Variants in SRGAP1 observed in about 807,000 individuals in gnomAD.
SRGAP1 encodes SLIT-ROBO Rho GTPase activating protein 1, also known as SLIT-ROBO Rho GTPase-activating protein 1.
In SRGAP1, 43 loss-of-function variants were observed where a neutral mutation model predicts 121.9. The observed-to-expected ratio is 0.35, with a 90% CI of 0.28 to 0.46. SRGAP1 has a LOEUF of 0.46. Ranked by LOEUF, SRGAP1 falls within the 20% of genes least tolerant of loss-of-function variation. The probability of loss-of-function intolerance (pLI) is 1.00; values close to 1 mark genes in which losing one functional copy is unlikely to be tolerated. For missense variants in SRGAP1, 1,102 were observed against 1,350.9 expected (o/e 0.82, Z 2.89); for synonymous variants, 447 against 485.4 (o/e 0.92, Z 1.04).
At chr12:63,897,806 A>T (rs1385670888) in intron 1 of SRGAP1, among the ~76,000 whole-genome samples, 1 of 152,048 alleles carries the variant, frequency 6.6e-6, no homozygotes, top group African/African-American at 2.4e-5. Context: ...CTTTCTGGGG[A>T]TTTTATTTTG....
At chr12:63,884,668 T>C (rs928147127) in intron 1 of SRGAP1, among the ~76,000 whole-genome samples, 1 of 151,962 alleles carries the variant, frequency 6.6e-6, no homozygotes, top group African/African-American at 2.4e-5. Context: ...TTTGTACCCA[T>C]TGACCAACCT....
At chr12:64,020,448 C>A (rs2034514590) in intron 4 of SRGAP1, among the ~76,000 whole-genome samples, 1 of 151,932 alleles carries the variant, frequency 6.6e-6, no homozygotes, top group Non-Finnish European at 1.5e-5. Flanking sequence ...CCCAATCTTG[C>A]CTTTATTTGC....
chr12:63,846,280 T>C (rs1346796285), intron 1 of SRGAP1, among the ~76,000 whole-genome samples: 1 of 152,202 alleles, frequency 6.6e-6, no homozygotes, highest in African/African-American at 2.4e-5. Flanking sequence ...AACTTTCTAA[T>C]GAGACTAACC....
At chr12:63,977,835 A>G in intron 1 of SRGAP1, among the ~76,000 whole-genome samples, 1 of 152,214 alleles carries the variant, frequency 6.6e-6, no homozygotes, top group Non-Finnish European at 1.5e-5. Flanking sequence ...TTTAGCCTCC[A>G]TTAAAACTGC....
At chr12:63,946,977 C>A (rs1345415070) in intron 1 of SRGAP1, among the ~76,000 whole-genome samples, 1 of 151,790 alleles carries the variant, frequency 6.6e-6, no homozygotes, top group Non-Finnish European at 1.5e-5. Flanking sequence ...TATATAGTTT[C>A]TTTTTATTGT....
chr12:63,954,815 C>G (rs2032412054), intron 1 of SRGAP1, among the ~76,000 whole-genome samples: 1 of 151,940 alleles, frequency 6.6e-6, no homozygotes, highest in Non-Finnish European at 1.5e-5. Context: ...TAACAAGTTA[C>G]TTATCGTTTT....
At chr12:63,931,273 G>C (rs1253676280) in intron 1 of SRGAP1, among the ~76,000 whole-genome samples, 2 of 152,118 alleles carry the variant, frequency 1.3e-5, no homozygotes, top group Non-Finnish European at 2.9e-5. Flanking sequence ...TTTCCCTGCT[G>C]TTCTTCTTTT....
intron 1 of SRGAP1, among the ~76,000 whole-genome samples, chr12:63,851,439 A>C (rs933537405): frequency 6.6e-6 from 1 of 152,118 alleles, no homozygotes; most frequent in African/African-American, 2.4e-5. Context: ...ATTTTTAAAA[A>C]ATAAATAAAT....
intron 1 of SRGAP1, among the ~76,000 whole-genome samples, chr12:63,862,518 C>G (rs182907131): frequency 5.3e-5 from 8 of 152,350 alleles, no homozygotes; most frequent in Admixed American, 1.3e-4. Flanking sequence ...CTTATGCAAA[C>G]AGCTCCTTCT....
chr12:63,960,989 T>G (rs1338093792), intron 1 of SRGAP1, among the ~76,000 whole-genome samples: 4 of 152,210 alleles, frequency 2.6e-5, no homozygotes, highest in Non-Finnish European at 5.9e-5. Flanking sequence ...TCTGTGTTGT[T>G]TCAAGCCACT....
chr12:63,987,694 C>A (rs1200958356), intron 2 of SRGAP1, among the ~76,000 whole-genome samples: 1 of 151,998 alleles, frequency 6.6e-6, no homozygotes, highest in Non-Finnish European at 1.5e-5. Flanking sequence ...TGCAGCCCAG[C>A]CTAGGCAACA....
chr12:63,961,209 C>G lies in SRGAP1; in HGVS notation c.68-22738C>G, dbSNP rs11175216. ...ACGTATCAAGTGCTCCATAGCCACA[C>G]GCAGCCAGAGCCTACTGTACTGTGT... is the stretch of plus-strand genomic sequence containing the variant. On this transcript the variant is annotated intron_variant, in intron 1 of 21. Transcript: ENST00000355086. Among the ~76,000 whole-genome samples, 663 of 152,286 alleles carry G rather than the reference C, an allele frequency of 4.4e-3. 46 individuals carry two copies. In the East Asian group the frequency reaches 0.12, roughly 27 times the overall value.
intron 1 of SRGAP1, among the ~76,000 whole-genome samples, chr12:63,907,361 A>AC (rs1211465242): frequency 6.6e-6 from 1 of 151,896 alleles, no homozygotes; most frequent in African/African-American, 2.4e-5. Context: ...ACATAGTGAA[A>AC]CCCCATCTCT....
intron 1 of SRGAP1, among the ~76,000 whole-genome samples, chr12:63,959,573 C>T (rs2032576384): frequency 1.3e-5 from 2 of 151,680 alleles, no homozygotes; most frequent in Admixed American, 6.5e-5. Context: ...GAAATCCCTA[C>T]TTGTGTGAGG....
chr12:63,969,615 A>C (rs753985435), intron 1 of SRGAP1, among the ~76,000 whole-genome samples: 1 of 152,028 alleles, frequency 6.6e-6, no homozygotes. Context: ...AACACAGTGA[A>C]ACCCCGTCTC....
chr12:64,040,724 G>A (rs959105391), intron 4 of SRGAP1, among the ~76,000 whole-genome samples: 3 of 152,056 alleles, frequency 2.0e-5, no homozygotes, highest in East Asian at 1.9e-4. Context: ...TATAGGTACC[G>A]TTATAAAAAT....
chr12:63,890,066 GA>G (rs1900526779), intron 1 of SRGAP1, among the ~76,000 whole-genome samples: 2 of 152,098 alleles, frequency 1.3e-5, no homozygotes, highest in Admixed American at 1.3e-4. Flanking sequence ...GATTGCTGCA[GA>G]TTCACATTTA....
intron 17 of SRGAP1, among the ~76,000 whole-genome samples, chr12:64,113,719 T>C (rs906621273): frequency 2.6e-5 from 4 of 152,184 alleles, no homozygotes; most frequent in African/African-American, 9.7e-5. Context: ...GTGCACATGA[T>C]CTCTTTTATT....
At chr12:64,095,425 G>A (rs539184357) in intron 14 of SRGAP1, among the ~76,000 whole-genome samples, 45 of 152,278 alleles carry the variant, frequency 3.0e-4, no homozygotes, top group Middle Eastern at 6.8e-3. Flanking sequence ...CTGCATCCTG[G>A]TTGAGGACTG....
Sources: allele counts gnomAD v4.1 joint callset (sites outside exome capture counted in the v4.1 genomes callset), GRCh38; gene constraint gnomAD v4.1.1; transcripts MANE v1.5; gene names NCBI Gene and HGNC (gene_info 2026-07-23, HGNC 2026-07-21).